LIPH: variants seen among roughly 807,000 people sequenced by gnomAD.
LIPH encodes the protein lipase member H.
LIPH carries 32 observed loss-of-function variants against 47.6 expected under a neutral mutation model. That is an observed-to-expected ratio of 0.67 (90% CI 0.51 to 0.90). The LOEUF is 0.90. Ranked by LOEUF, LIPH falls within the 40% of genes least tolerant of loss-of-function variation. The pLI, the probability that LIPH is intolerant of heterozygous loss-of-function variation, is 0.00. For synonymous variants in LIPH, 190 were observed against 195.6 expected (o/e 0.97, Z 0.24); for missense variants, 497 against 541.4 (o/e 0.92, Z 0.81).
rs767725185 is a variant in LIPH, at chr3:185,534,817, C to G, written c.365G>C (p.Ser122Thr). ...ATTLIYTHASSKTRKVAMVLK... is the reference protein window; with the variant it reads ...ATTLIYTHASTKTRKVAMVLK... ...GACCATGGCTACTTTTCTGGTCTTA[C>G]TAGAGGCATGGGTATATATTAAAGT... The change falls in exon 2 of 10, where the codon AGT becomes ACT. Residue 122 changes from serine to threonine, a missense_variant. Physicochemically the swap from Ser to Thr is moderately conservative, Grantham distance 58. Coordinates refer to ENST00000296252, the MANE Select transcript of LIPH (RefSeq NM_139248.3). 6.2e-7 allele frequency: 1 copy of G among 1,613,656 alleles called. No homozygotes were observed. The highest frequency in any genetic ancestry group is 1.3e-5 in the African/African-American group (1 of 75,048).
intron 3 of LIPH, among the ~76,000 whole-genome samples, chr3:185,528,355 A>AAAGAAAGAAAGAAAGC (rs1410025611): frequency 1.6e-3 from 248 of 151,818 alleles, no homozygotes; most frequent in African/African-American, 4.0e-3. Context: ...AGAAAGAAAG[A>AAAGAAAGAAAGAAAGC]AAGCGCTATA....
At chr3:185,528,323 G>GAAAGAAGAAAGAAAGA (rs1553822820) in intron 3 of LIPH, among the ~76,000 whole-genome samples, 3 of 125,514 alleles carry the variant, frequency 2.4e-5, no homozygotes, top group Non-Finnish European at 3.3e-5. Context: ...AAGAAAGAAA[G>GAAAGAAGAAAGAAAGA]AAGAAAGAAA....
intron 4 of LIPH, among the ~76,000 whole-genome samples, chr3:185,525,418 T>C (rs975585238): frequency 2.0e-5 from 3 of 152,116 alleles, no homozygotes; most frequent in Non-Finnish European, 4.4e-5. Flanking sequence ...CATGTGTCTC[T>C]GGGCATGGTA....
At chr3:185,552,238 T>C (rs1402908864) in intron 1 of LIPH, among the ~76,000 whole-genome samples, 185 bp downstream of exon 1, 1 of 150,414 alleles carries the variant, frequency 6.6e-6, no homozygotes. Context: ...ATCTAACCTG[T>C]ATCTTTTTTT....
chr3:185,547,337 G>T (rs1720907119), intron 1 of LIPH, among the ~76,000 whole-genome samples: 2 of 152,046 alleles, frequency 1.3e-5, no homozygotes, highest in African/African-American at 4.8e-5. Flanking sequence ...GACGTGTAGT[G>T]CCCAGTCAGG....
chr3:185,534,254 G>A (rs1042500426), intron 2 of LIPH, among the ~76,000 whole-genome samples: 1 of 152,008 alleles, frequency 6.6e-6, no homozygotes, highest in Non-Finnish European at 1.5e-5. Context: ...TACTCGGGGG[G>A]CTGAGGCAAG....
chr3:185,524,726 G>A (rs1043187439), intron 4 of LIPH, among the ~76,000 whole-genome samples: 1 of 152,130 alleles, frequency 6.6e-6, no homozygotes, highest in Admixed American at 6.5e-5. Context: ...TGGTATTACA[G>A]GCATGAGCCA....
chr3:185,527,556 C>G lies in LIPH; in HGVS notation c.556G>C (p.Gly186Arg). The change falls in exon 4 of 10, where the codon GGG becomes CGG. Residue 186 changes from glycine (G) to arginine (R), a missense_variant. Transcript: ENST00000296252. Reference sequence around the variant, plus strand: ...TCTAATCTGTCTTGGTGAGGTTTCCCGTTGAATAAAGGGCCTGCAGGGTCG... The same window carrying G: ...TCTAATCTGTCTTGGTGAGGTTTCCGGTTGAATAAAGGGCCTGCAGGGTCG... ...GLDPAGPLFN[G>R]KPHQDRLDPS... 1 of 1,612,234 alleles carries G rather than the reference C, an allele frequency of 6.2e-7. No homozygotes were observed. Among genetic ancestry groups the G allele is most frequent in the Non-Finnish European group, 8.5e-7 (1 of 1,179,578 alleles).
chr3:185,532,705 G>T (rs947880152), intron 3 of LIPH, among the ~76,000 whole-genome samples: 2 of 152,108 alleles, frequency 1.3e-5, no homozygotes, highest in Non-Finnish European at 1.5e-5. Flanking sequence ...CAGGAGAATC[G>T]CTTGAACCCG....
At chr3:185,522,642 G>A (rs200285672) in intron 5 of LIPH, among the ~76,000 whole-genome samples, 47,096 of 138,094 alleles carry the variant, frequency 0.34, 8,858 homozygotes, top group Non-Finnish European at 0.4. Context: ...AAAAGAAAGA[G>A]AGAAAGAAAA....
intron 4 of LIPH, 31 bp downstream of exon 4, chr3:185,527,453 T>A: frequency 7.1e-7 from 1 of 1,418,262 alleles, no homozygotes; most frequent in East Asian, 2.3e-5. Flanking sequence ...AGCCTGGCGG[T>A]GTCACTGACC....
At chr3:185,515,683 A>G (rs1346945987) in intron 7 of LIPH, among the ~76,000 whole-genome samples, 5 of 151,934 alleles carry the variant, frequency 3.3e-5, no homozygotes, top group African/African-American at 1.2e-4. Flanking sequence ...TAATTTTTAT[A>G]TTTTGTTTTT....
intron 1 of LIPH, among the ~76,000 whole-genome samples, chr3:185,541,736 T>TTTTA (rs1363186800): frequency 6.8e-5 from 10 of 147,556 alleles, no homozygotes; most frequent in African/African-American, 1.0e-4. Flanking sequence ...GTTTTTGGTG[T>TTTTA]TTTATTTATT....
At chr3:185,516,935 C>T (rs551260984) in intron 7 of LIPH, 132 bp downstream of exon 7, 22 of 749,734 alleles carry the variant, frequency 2.9e-5, no homozygotes, top group South Asian at 1.4e-4. Context: ...AGGAGTCAAC[C>T]GAGGCCCTTC....
At chr3:185,519,335 G>C in intron 5 of LIPH, 26 bp from the exon 6 acceptor site, 2 of 1,543,834 alleles carry the variant, frequency 1.3e-6, no homozygotes, top group Non-Finnish European at 1.8e-6. Context: ...AGTGATGAAA[G>C]AGTAGAGCGG....
At chr3:185,515,317 A>AAT (rs1719696812) in intron 7 of LIPH, among the ~76,000 whole-genome samples, 2 of 152,138 alleles carry the variant, frequency 1.3e-5, no homozygotes, top group Admixed American at 6.5e-5. Flanking sequence ...TAAAAAAAAA[A>AAT]AAGATAAAAT....
chr3:185,550,579 A>AT (rs1421140075), intron 1 of LIPH, among the ~76,000 whole-genome samples: 2 of 151,706 alleles, frequency 1.3e-5, no homozygotes, highest in Admixed American at 6.6e-5. Flanking sequence ...ATTATTATAT[A>AT]TTTTTTTTGA....
intron 1 of LIPH, among the ~76,000 whole-genome samples, chr3:185,548,745 A>AAAAC (rs552360240): frequency 2.8e-4 from 42 of 151,384 alleles, no homozygotes; most frequent in African/African-American, 9.5e-4. Context: ...AAAACAAAAC[A>AAAAC]AAAACAAAAC....
intron 5 of LIPH, among the ~76,000 whole-genome samples, chr3:185,521,083 G>T (rs983284466): frequency 1.2e-4 from 19 of 152,078 alleles, no homozygotes; most frequent in Middle Eastern, 3.4e-3. Flanking sequence ...ACCCAACCTG[G>T]CCTTGAACTC....
Sources: allele counts gnomAD v4.1 joint callset (sites outside exome capture counted in the v4.1 genomes callset), GRCh38; gene constraint gnomAD v4.1.1; transcripts MANE v1.5; gene names NCBI Gene and HGNC (gene_info 2026-07-23, HGNC 2026-07-21).